The following LOC400499 variants were observed in gnomAD, a reference collection of about 807,000 sequenced individuals.
At chr16:11,449,273 T>C in the LOC400499 span, among the ~76,000 whole-genome samples, 1 of 152,146 alleles carries the variant, frequency 6.6e-6, no homozygotes, top group South Asian at 2.1e-4. Flanking sequence ...TAGGCTAGTT[T>C]TCTCTACAGG....
chr16:11,494,638 C>G, the LOC400499 span: 1 of 399,422 alleles, frequency 2.5e-6, no homozygotes, highest in Non-Finnish European at 4.4e-6. Context: ...CCAGGATCCT[C>G]ACTAGGGAGC....
At chr16:11,465,099 G>A in the LOC400499 span, among the ~76,000 whole-genome samples, 3 of 152,184 alleles carry the variant, frequency 2.0e-5, no homozygotes, top group African/African-American at 4.8e-5. Context: ...GGCAGAATCA[G>A]GAGATCCACT....
At chr16:11,426,847 T>C in the LOC400499 span, among the ~76,000 whole-genome samples, 1 of 136,238 alleles carries the variant, frequency 7.3e-6, no homozygotes, top group Non-Finnish European at 1.5e-5. Flanking sequence ...GCTTGAGCCA[T>C]GATCATCCCA....
chr16:11,483,275 T>A, the LOC400499 span, among the ~76,000 whole-genome samples: 35 of 152,146 alleles, frequency 2.3e-4, no homozygotes, highest in Admixed American at 2.3e-3. Context: ...TTTAAACATA[T>A]ACCTACCATA....
the LOC400499 span, among the ~76,000 whole-genome samples, chr16:11,449,926 G>T: frequency 6.6e-6 from 1 of 152,224 alleles, no homozygotes; most frequent in Admixed American, 6.5e-5. Context: ...CATGCCCTCT[G>T]GTTGGGTGAA....
the LOC400499 span, chr16:11,380,797 G>C: frequency 1.3e-5 from 2 of 152,148 alleles, no homozygotes; most frequent in Admixed American, 6.5e-5. Context: ...TGTCCTCCCA[G>C]ATGTTTTGTT....
chr16:11,453,473 T>G, the LOC400499 span, among the ~76,000 whole-genome samples: 3 of 152,056 alleles, frequency 2.0e-5, no homozygotes, highest in East Asian at 5.8e-4. Context: ...TAAAACTCCC[T>G]GAAATTCTGT....
At chr16:11,506,954 C>A in the LOC400499 span, among the ~76,000 whole-genome samples, 16 of 152,338 alleles carry the variant, frequency 1.1e-4, no homozygotes, top group African/African-American at 3.6e-4. Context: ...CAGCATTTCA[C>A]CCCTCAGCCC....
chr16:11,414,499 G>T, the LOC400499 span: 2 of 399,414 alleles, frequency 5.0e-6, no homozygotes, highest in African/African-American at 2.1e-5. Flanking sequence ...CCTGGCCTGG[G>T]TCTGGGTCTC....
At chr16:11,436,549 A>T in the LOC400499 span, among the ~76,000 whole-genome samples, 2 of 151,564 alleles carry the variant, frequency 1.3e-5, no homozygotes. Context: ...ATGGTTCTCA[A>T]TCCAGCCTGT....
chr16:11,500,650 C>T, the LOC400499 span, among the ~76,000 whole-genome samples: 7 of 152,070 alleles, frequency 4.6e-5, no homozygotes, highest in African/African-American at 1.4e-4. Context: ...GCCTTGAACC[C>T]GCCACAGAAG....
the LOC400499 span, among the ~76,000 whole-genome samples, chr16:11,526,906 G>A: frequency 6.6e-6 from 1 of 152,154 alleles, no homozygotes; most frequent in Non-Finnish European, 1.5e-5. Context: ...AGTTTCCAGA[G>A]GATGCTGGTG....
the LOC400499 span, among the ~76,000 whole-genome samples, chr16:11,453,493 T>C: frequency 1.3e-5 from 2 of 152,074 alleles, no homozygotes; most frequent in Non-Finnish European, 2.9e-5. Context: ...TAACTTATAC[T>C]CTAAGAGAAG....
chr16:11,415,908 C>A, the LOC400499 span, among the ~76,000 whole-genome samples: 1 of 152,068 alleles, frequency 6.6e-6, no homozygotes, highest in African/African-American at 2.4e-5. Flanking sequence ...CTGTTCTCCC[C>A]TCAGGAGGCT....
the LOC400499 span, among the ~76,000 whole-genome samples, chr16:11,430,680 T>TG: frequency 6.6e-6 from 1 of 152,168 alleles, no homozygotes; most frequent in Non-Finnish European, 1.5e-5. Context: ...TCTTGCAACT[T>TG]TTCTACAAGT....
At chr16:11,396,747 C>G in the LOC400499 span, 3 of 1,179,518 alleles carry the variant, frequency 2.5e-6, no homozygotes, top group Non-Finnish European at 2.1e-6. Context: ...TCCCCTGCAC[C>G]GAGAATGCAG....
the LOC400499 span, among the ~76,000 whole-genome samples, chr16:11,416,951 T>C: frequency 2.9e-3 from 439 of 152,228 alleles, 3 homozygotes; most frequent in African/African-American, 0.01. Context: ...ACTTTCACCC[T>C]GTGTGATCGG....
the LOC400499 span, chr16:11,460,062 A>G: frequency 1.6e-5 from 22 of 1,392,304 alleles, no homozygotes; most frequent in Non-Finnish European, 1.9e-5. Flanking sequence ...GACCTGGGAC[A>G]CACATGGGTG....
At chr16:11,378,863 C>A in the LOC400499 span, among the ~76,000 whole-genome samples, 1 of 152,180 alleles carries the variant, frequency 6.6e-6, no homozygotes, top group Non-Finnish European at 1.5e-5. Flanking sequence ...GTGTATTCTG[C>A]TGTTGGGTGA....
Sources: gnomAD v4.1 joint callset for allele counts (sites outside exome capture counted in the v4.1 genomes callset) on GRCh38, gnomAD v4.1.1 for gene constraint, MANE v1.5 for transcripts.